PTPRD: variants seen among roughly 807,000 people sequenced by gnomAD.
The protein encoded by PTPRD is protein tyrosine phosphatase receptor type D.
A neutral mutation model predicts 214.5 loss-of-function variants in PTPRD; 34 were observed. The observed-to-expected ratio is 0.16, with a 90% CI of 0.12 to 0.21. The LOEUF (loss-of-function observed/expected upper bound fraction) is 0.21, where lower values mean the gene tolerates loss of function less well. PTPRD is among the 10% of genes least tolerant of loss of function. The pLI is 1.00. For missense variants in PTPRD, 2,545 were observed against 2,398.7 expected, an observed-to-expected ratio of 1.06 and a Z score of -1.27; for synonymous variants, 1,128 against 845.7, an observed-to-expected ratio of 1.33 and a Z score of -5.79.
intron 5 of PTPRD, among the ~76,000 whole-genome samples, chr9:9,900,433 GT>G (rs2076114742): frequency 1.3e-5 from 2 of 152,102 alleles, no homozygotes; most frequent in African/African-American, 2.4e-5. Context: ...AGTGACCTTT[GT>G]TTCAGTTCCC....
intron 9 of PTPRD, among the ~76,000 whole-genome samples, chr9:9,320,379 C>G (rs902976449): frequency 2.6e-5 from 4 of 152,072 alleles, no homozygotes; most frequent in Non-Finnish European, 4.4e-5. Flanking sequence ...GGGCATGAAA[C>G]TTATACACAA....
chr9:8,661,899 G>A (rs1367889727), intron 12 of PTPRD, among the ~76,000 whole-genome samples: 2 of 152,102 alleles, frequency 1.3e-5, no homozygotes, highest in East Asian at 3.9e-4. Context: ...TAAGTATTTG[G>A]TCTACAACAC....
intron 3 of PTPRD, among the ~76,000 whole-genome samples, chr9:10,218,514 A>G (rs1424955293): frequency 6.6e-6 from 1 of 151,914 alleles, no homozygotes; most frequent in Non-Finnish European, 1.5e-5. Flanking sequence ...CTTACTCAAC[A>G]TAAATGTCAC....
At chr9:9,383,556 C>T (rs1304059659) in intron 9 of PTPRD, among the ~76,000 whole-genome samples, 1 of 152,048 alleles carries the variant, frequency 6.6e-6, no homozygotes, top group Non-Finnish European at 1.5e-5. Flanking sequence ...TGTCTTAATG[C>T]TTTAAGCAAT....
At chr9:9,561,828 G>A (rs562934226) in intron 8 of PTPRD, among the ~76,000 whole-genome samples, 1 of 152,082 alleles carries the variant, frequency 6.6e-6, no homozygotes, top group South Asian at 2.1e-4. Flanking sequence ...TCATTTGTTG[G>A]TTCCTTCTCC....
intron 3 of PTPRD, among the ~76,000 whole-genome samples, chr9:10,243,235 T>C (rs935003639): frequency 6.6e-6 from 1 of 152,020 alleles, no homozygotes; most frequent in African/African-American, 2.4e-5. Flanking sequence ...CCTTTTATTA[T>C]GAAAACTGAA....
chr9:9,447,701 C>A, intron 8 of PTPRD, among the ~76,000 whole-genome samples: 1 of 152,108 alleles, frequency 6.6e-6, no homozygotes, highest in South Asian at 2.1e-4. Flanking sequence ...GGGACTTCTA[C>A]ATGTTCCCTT....
intron 9 of PTPRD, among the ~76,000 whole-genome samples, chr9:9,200,947 C>T (rs2099941475): frequency 6.6e-6 from 1 of 152,148 alleles, no homozygotes; most frequent in Non-Finnish European, 1.5e-5. Context: ...CTAATCTCTT[C>T]TTATATGAAG....
intron 9 of PTPRD, among the ~76,000 whole-genome samples, chr9:9,371,782 G>A (rs1052250508): frequency 3.9e-5 from 6 of 151,972 alleles, no homozygotes; most frequent in African/African-American, 1.5e-4. Flanking sequence ...ACACTGCTTT[G>A]AATGTGTCCC....
At chr9:8,536,608 G>C (rs969659182) in intron 14 of PTPRD, among the ~76,000 whole-genome samples, 1 of 151,940 alleles carries the variant, frequency 6.6e-6, no homozygotes, top group Non-Finnish European at 1.5e-5. Context: ...AATTTTCCTA[G>C]AGAGCTGAGA....
chr9:10,305,359 T>G (rs2096022378), intron 3 of PTPRD, among the ~76,000 whole-genome samples: 1 of 126,004 alleles, frequency 7.9e-6, no homozygotes, highest in South Asian at 2.4e-4. Context: ...AAAGACTTCA[T>G]GACTAAAACA....
At chr9:9,439,507 G>A (rs2086666354) in intron 8 of PTPRD, among the ~76,000 whole-genome samples, 1 of 152,104 alleles carries the variant, frequency 6.6e-6, no homozygotes, top group African/African-American at 2.4e-5. Flanking sequence ...GGAGACTACC[G>A]GAAACAGATC....
At position 9,183,795 on chromosome 9, in the gene PTPRD, C is replaced by G. The variant is rs188012948; in HGVS notation, c.-202-432G>C. 1.8e-4 allele frequency among the ~76,000 whole-genome samples: 28 copies of G among 152,036 alleles called. No individual in the cohort carries two copies. In the East Asian group the frequency reaches 5.4e-3, roughly 29 times the overall value. ...AATGCCCCTAAGTTGTTAAGGGGAG[C>G]ACTTAAACCTTGGCAGCCAAGCTAA... On this transcript the variant is annotated intron_variant, in intron 9 of 45. Transcript: ENST00000381196.
At chr9:9,735,155 T>C (rs1026113996) in intron 6 of PTPRD, among the ~76,000 whole-genome samples, 1 of 152,220 alleles carries the variant, frequency 6.6e-6, no homozygotes, top group East Asian at 1.9e-4. Context: ...AAAGGCAATA[T>C]CTGAACAGCA....
intron 4 of PTPRD, among the ~76,000 whole-genome samples, chr9:9,940,019 A>G (rs1236535395): frequency 6.6e-6 from 1 of 152,192 alleles, no homozygotes; most frequent in Non-Finnish European, 1.5e-5. Context: ...AACAGATGGC[A>G]CTTTCAAATT....
intron 12 of PTPRD, among the ~76,000 whole-genome samples, chr9:8,663,241 T>G (rs1174153155): frequency 1.6e-5 from 2 of 122,282 alleles, no homozygotes; most frequent in African/African-American, 5.4e-5. Context: ...AAGAATCTTG[T>G]TTTTTTTCTT....
intron 2 of PTPRD, among the ~76,000 whole-genome samples, chr9:10,550,855 T>C (rs1357304504): frequency 6.6e-6 from 1 of 152,218 alleles, no homozygotes; most frequent in African/African-American, 2.4e-5. Flanking sequence ...TCTACCTCTC[T>C]TTCTAAATGT....
chr9:10,160,634 A>G (rs780593490), intron 3 of PTPRD, among the ~76,000 whole-genome samples: 40 of 152,126 alleles, frequency 2.6e-4, no homozygotes, highest in Middle Eastern at 3.4e-3. Context: ...ACTAAATAGG[A>G]AAATAATGAA....
At chr9:9,674,444 A>G (rs1276349072) in intron 7 of PTPRD, among the ~76,000 whole-genome samples, 1 of 151,828 alleles carries the variant, frequency 6.6e-6, no homozygotes. Flanking sequence ...AAAAACATAT[A>G]GAATATTTGA....
Sources: gnomAD v4.1 joint callset for allele counts (sites outside exome capture counted in the v4.1 genomes callset) on GRCh38, gnomAD v4.1.1 for gene constraint, MANE v1.5 for transcripts, NCBI Gene and HGNC (gene_info 2026-07-23, HGNC 2026-07-21) for gene names.